NAP1L5: variants seen among roughly 807,000 people sequenced by gnomAD.
NAP1L5 encodes nucleosome assembly protein 1 like 5.
For missense variants in NAP1L5, 249 were observed against 246.4 expected, an observed-to-expected ratio of 1.01 and a Z score of -0.07; for synonymous variants, 125 against 103.6, an observed-to-expected ratio of 1.21 and a Z score of -1.25.
In NAP1L5 at chr4:88,697,285, TCCTCCTCCTCGTCTTCCC is replaced by T. The variant is rs747760049; in HGVS notation, c.452_469del (p.Gly151_Glu156del). On this transcript the variant is annotated inframe_deletion, in exon 1 of 1. Transcript: ENST00000323061. ...CGCGGCAGCCTCTGCCGCAGCCTCC[TCCTCCTCCTCGTCTTCCC>T]CCTCCTCCTCGTCATCCTCGTACTC... 1.6e-5 allele frequency: 25 copies of T among 1,603,646 alleles called. No individual in the cohort carries two copies. The highest frequency in any genetic ancestry group is 2.0e-5 in the Non-Finnish European group (23 of 1,174,894).
rs962696763 is a variant in NAP1L5 at position 88,696,514 on chromosome 4, A to C, written c.*692T>G. On this transcript the variant is annotated 3_prime_UTR_variant, in exon 1 of 1. Coordinates refer to ENST00000323061, the MANE Select transcript of NAP1L5 (RefSeq NM_153757.4). ...CACAAACATGAGATTGTAACTAATG[A>C]ATACATATGTTGACAGTATTTTACA... 6.7e-6 allele frequency: 1 copy of C among 148,656 alleles called. No individual in the cohort carries two copies. Among genetic ancestry groups the C allele is most frequent in the African/African-American group, 2.5e-5 (1 of 40,154 alleles). The allele number at this position is 148,656 out of a possible 1,614,324, so 9.2% of individuals were successfully genotyped here.
Sources: gnomAD v4.1 joint callset for allele counts on GRCh38, gnomAD v4.1.1 for gene constraint, MANE v1.5 for transcripts, NCBI Gene and HGNC (gene_info 2026-07-23, HGNC 2026-07-21) for gene names.